MYL3: variants seen among roughly 807,000 people sequenced by gnomAD.
The protein encoded by MYL3 is myosin light chain 3.
A neutral mutation model predicts 21.3 loss-of-function variants in MYL3; 11 were observed. That is an observed-to-expected ratio of 0.52 (90% CI 0.32 to 0.85). The LOEUF is 0.85. Among genes scored for constraint, MYL3 ranks in the 40% least tolerant of loss-of-function variants. MYL3 has a pLI of 0.03. For missense variants in MYL3, 206 were observed against 253.3 expected, an observed-to-expected ratio of 0.81 and a Z score of 1.27; for synonymous variants, 88 against 91.6, an observed-to-expected ratio of 0.96 and a Z score of 0.22.
upstream of MYL3, among the ~76,000 whole-genome samples, chr3:46,864,859 G>A (rs114531204): frequency 0.01 from 1,579 of 152,342 alleles, 32 homozygotes; most frequent in African/African-American, 0.036. This position sits in a 1 kb window ranked among gnomAD's most constrained non-coding sequence, Gnocchi z 4.7. Context: ...GGAGGTGGGA[G>A]GGCTGAGGTG....
chr3:46,858,407 G>C lies in MYL3; in HGVS notation c.536C>G (p.Ser179Cys). 1 of 1,614,038 alleles carries C rather than the reference G, an allele frequency of 6.2e-7. No homozygotes were observed. Among genetic ancestry groups the C allele is most frequent in the South Asian group, 1.1e-5 (1 of 91,082 alleles). ...VEKLMAGQED[S>C]NGCINYEAFV... ...ACCTTCATAGTTGATGCAGCCATTG[G>C]AGTCCTCTTGCCCAGCCATCAACTT... Residue 179 changes from serine (S) to cysteine (C), a missense_variant, in exon 5 of 7, where the codon TCC becomes TGC. Coordinates refer to ENST00000292327, the MANE Select transcript of MYL3 (RefSeq NM_000258.3).
Position 46,860,921 on chromosome 3 carries a change from C to A in MYL3, c.157+39G>T, listed in dbSNP as rs781740041. 1 of 1,614,146 alleles carries A rather than the reference C, an allele frequency of 6.2e-7. No individual in the cohort carries two copies. Among genetic ancestry groups the A allele is most frequent in the Non-Finnish European group, 8.5e-7 (1 of 1,180,024 alleles). The stretch of plus-strand genomic sequence containing the variant: ...GGACCCTCAGACCAGGGAACCCCAG[C>A]CCAATCCTGCAACCCCTGGGTTCAA... On this transcript the variant is annotated intron_variant, in intron 2 of 6. Transcript: ENST00000292327. The surrounding 1 kb of genome is among the most constrained non-coding windows in gnomAD (Gnocchi z 4.6).
chr3:46,868,782 C>T (rs1331481676), intron 1 of MYL3, among the ~76,000 whole-genome samples: 2 of 152,192 alleles, frequency 1.3e-5, no homozygotes, highest in Admixed American at 6.5e-5. Context: ...GGGACCTCAG[C>T]CCCACTCTCA....
upstream of MYL3, among the ~76,000 whole-genome samples, chr3:46,867,068 C>T (rs996560311): frequency 6.6e-6 from 1 of 151,942 alleles, no homozygotes; most frequent in African/African-American, 2.4e-5. Context: ...GAGTGCCAAA[C>T]TCAGAACCCA....
chr3:46,861,402 G>A lies in MYL3; in HGVS notation c.130-415C>T, dbSNP rs925215968. ...AGGACTGTCAGCAAAAGTGAGATGG[G>A]AGGGCCCAGGGTGGTAGAAGGAGTA... On this transcript the variant is annotated intron_variant, in intron 1 of 6. Coordinates refer to ENST00000292327, the MANE Select transcript of MYL3 (RefSeq NM_000258.3). This position sits in a 1 kb window ranked among gnomAD's most constrained non-coding sequence, Gnocchi z 4.2. Among the ~76,000 whole-genome samples the A allele has an allele frequency of 2.0e-5, 3 of 152,230 alleles. No individual in the cohort carries two copies. The highest frequency in any genetic ancestry group is 4.4e-5 in the Non-Finnish European group (3 of 68,050).
At chr3:46,866,482 C>G (rs551471098), upstream of MYL3, 1 of 152,366 alleles carries the variant, frequency 6.6e-6, no homozygotes, top group Non-Finnish European at 1.5e-5. Flanking sequence ...CCCGGCCACG[C>G]CGGCCTTCTT....
At chr3:46,867,627 G>A (rs984261357), upstream of MYL3, among the ~76,000 whole-genome samples, 1 of 152,218 alleles carries the variant, frequency 6.6e-6, no homozygotes, top group African/African-American at 2.4e-5. Context: ...CCCCTGGGCC[G>A]CAGTCTCCGC....
chr3:46,881,964 A>T (rs901886160), intron 1 of MYL3: 1 of 151,960 alleles, frequency 6.6e-6, no homozygotes, highest in African/African-American at 2.4e-5. Flanking sequence ...GGGAAAAAAA[A>T]TTTAAAAGCC....
At chr3:46,862,231 C>A (rs1701999904) in intron 1 of MYL3, among the ~76,000 whole-genome samples, 1 of 152,200 alleles carries the variant, frequency 6.6e-6, no homozygotes, top group Non-Finnish European at 1.5e-5. Context: ...GAATGCAAGC[C>A]TGGGACCTGG....
chr3:46,867,149 A>G (rs1288481638), upstream of MYL3, among the ~76,000 whole-genome samples: 1 of 151,836 alleles, frequency 6.6e-6, no homozygotes, highest in African/African-American at 2.4e-5. Context: ...AACCCTGACC[A>G]AAGACTCCAA....
chr3:46,881,544 A>T (rs1002949880), intron 1 of MYL3, among the ~76,000 whole-genome samples: 1 of 152,084 alleles, frequency 6.6e-6, no homozygotes, highest in Non-Finnish European at 1.5e-5. Context: ...GGCAAGCTGG[A>T]GAGGCCCGGC....
chr3:46,876,307 A>G (rs2030209752), intron 1 of MYL3, among the ~76,000 whole-genome samples: 1 of 152,218 alleles, frequency 6.6e-6, no homozygotes. Context: ...CAGGGGAGGT[A>G]GAGGCTCTGG....
chr3:46,866,045 G>A (rs1311576604), upstream of MYL3, among the ~76,000 whole-genome samples: 1 of 147,808 alleles, frequency 6.8e-6, no homozygotes, highest in African/African-American at 2.5e-5. Flanking sequence ...AGCCCTCCCA[G>A]GCACACCGAG....
At chr3:46,864,003 T>C (rs1702022037), upstream of MYL3, among the ~76,000 whole-genome samples, 1 of 151,790 alleles carries the variant, frequency 6.6e-6, no homozygotes, top group African/African-American at 2.4e-5. The surrounding 1 kb of genome is among the most constrained non-coding windows in gnomAD (Gnocchi z 4.7). Context: ...TCTCTGTGTC[T>C]GTGTTTGTGT....
At chr3:46,858,733 C>T (rs1356894417) in intron 4 of MYL3, among the ~76,000 whole-genome samples, 1 of 152,138 alleles carries the variant, frequency 6.6e-6, no homozygotes, top group Non-Finnish European at 1.5e-5. Flanking sequence ...TCCCTAGAAG[C>T]AGTCCCTTGG....
intron 1 of MYL3, chr3:46,880,136 G>A (rs1454693171): frequency 2.6e-5 from 4 of 152,224 alleles, no homozygotes; most frequent in Non-Finnish European, 5.9e-5. Context: ...CTGGGCCTCC[G>A]TCCCAAGGAG....
At chr3:46,880,755 AAAG>A (rs1169063101) in intron 1 of MYL3, among the ~76,000 whole-genome samples, 3 of 142,716 alleles carry the variant, frequency 2.1e-5, no homozygotes, top group African/African-American at 3.1e-5. Flanking sequence ...GAAGGAGAAG[AAAG>A]AAGAAGAAAG....
rs527349069 is a variant in MYL3, at chr3:46,868,882, C to T, written c.-217-2282G>A. Among the ~76,000 whole-genome samples, 35 of 152,300 alleles carry T rather than the reference C, an allele frequency of 2.3e-4. No homozygotes were observed. The South Asian group carries it at 2.5e-3, about 11-fold the overall frequency. ...AGAGTGAGCATCAGTTGGGTCTGTG[C>T]ATTCTGGGTGCATGAGATGGAGTCT... On this transcript the variant is annotated intron_variant, in intron 1 of 3. Coordinates refer to the MYL3 transcript ENST00000431168.
chr3:46,858,570 C>G (rs748855680), intron 4 of MYL3, 109 bp from the exon 5 acceptor site: 9 of 1,030,806 alleles, frequency 8.7e-6, no homozygotes, highest in Non-Finnish European at 1.3e-5. Context: ...AGTATTCCCA[C>G]AACCAGCACT....
Sources: gnomAD v4.1 joint callset for allele counts (sites outside exome capture counted in the v4.1 genomes callset) on GRCh38, gnomAD v4.1.1 for gene constraint, Gnocchi (gnomAD v3.1) non-coding constraint, MANE v1.5 for transcripts, NCBI Gene and HGNC (gene_info 2026-07-23, HGNC 2026-07-21) for gene names.